Variants in KY observed in about 807,000 individuals in gnomAD.
KY encodes kyphoscoliosis peptidase.
Under a neutral mutation model 76.1 loss-of-function variants are expected in KY, and 43 were observed. The ratio of observed to expected loss-of-function variants is 0.57; its 90% confidence interval spans 0.44 to 0.73. The LOEUF is 0.73. Ranked by LOEUF, KY falls within the 30% of genes least tolerant of loss-of-function variation. The pLI, the probability that KY is intolerant of heterozygous loss-of-function variation, is 0.00. For synonymous variants in KY, 277 were observed against 326.2 expected (o/e 0.85, Z 1.63); for missense variants, 722 against 828.9 (o/e 0.87, Z 1.58).
chr3:134,645,623 GA>G (rs1966345069), intron 2 of KY, among the ~76,000 whole-genome samples: 1 of 152,202 alleles, frequency 6.6e-6, no homozygotes, highest in African/African-American at 2.4e-5. Flanking sequence ...AAAAATAAAT[GA>G]AATTTCGCTT....
chr3:134,622,264 A>C (rs1332955034), intron 6 of KY, among the ~76,000 whole-genome samples: 1 of 152,220 alleles, frequency 6.6e-6, no homozygotes, highest in Non-Finnish European at 1.5e-5. Flanking sequence ...TTGTTTCCCC[A>C]ATGTTCATTG....
At chr3:134,616,740 C>T (rs1961630827) in intron 8 of KY, among the ~76,000 whole-genome samples, 1 of 152,162 alleles carries the variant, frequency 6.6e-6, no homozygotes, top group Non-Finnish European at 1.5e-5. Context: ...TCACTCAAGG[C>T]AAGTGTCAAT....
chr3:134,650,881 T>C lies in KY; in HGVS notation c.80A>G (p.Gln27Arg). The change falls in exon 1 of 11, where the codon CAG becomes CGG. Residue 27 changes from glutamine to arginine, a missense_variant. Around this residue, in one of 2 missense-constraint regions of KY, gnomAD observed 170 missense variants for 148.1 expected, o/e 1.15. Transcript: ENST00000423778. ...IVHSEKRRAA[Q>R]GTLSDQQANP... The stretch of plus-strand genomic sequence containing the variant: ...CGCCTGCTGGTCTGAGAGCGTACCC[T>C]GTGCGGCGCGCCGCTTCTCCGAGTG... 6.2e-7 allele frequency: 1 copy of C among 1,612,822 alleles called. No homozygotes were observed. Among genetic ancestry groups the C allele is most frequent in the African/African-American group, 1.3e-5 (1 of 75,010 alleles).
chr3:134,640,592 G>T (rs1463555526), intron 3 of KY, among the ~76,000 whole-genome samples: 1 of 152,146 alleles, frequency 6.6e-6, no homozygotes, highest in African/African-American at 2.4e-5. Flanking sequence ...GAGCCCAAAG[G>T]TTGTCAAGGC....
At chr3:134,617,149 C>G (rs572782190) in intron 8 of KY, among the ~76,000 whole-genome samples, 140 of 152,256 alleles carry the variant, frequency 9.2e-4, no homozygotes, top group African/African-American at 3.2e-3. Context: ...TCTGGCATTC[C>G]TTCTACAGTA....
intron 2 of KY, 129 bp from the exon 3 acceptor site, chr3:134,643,507 GTGCACACCCTCACA>G (rs1966036054): frequency 1.5e-6 from 1 of 686,510 alleles, no homozygotes; most frequent in Non-Finnish European, 2.6e-6. Context: ...GCCTAAATGT[GTGCACACCCTCACA>G]GTGTGCACAT....
At position 134,603,495 on chromosome 3, in the gene KY, C is replaced by T; in HGVS notation, c.*84G>A. On this transcript the variant is annotated 3_prime_UTR_variant, in exon 11 of 11. Coordinates refer to ENST00000423778, the MANE Select transcript of KY (RefSeq NM_178554.6). ...GGATTTCATGCAGACTCAGTGGTGTCCAGGGCTCCCTGCACTTCCTTCGAG... is the reference window on the plus strand; with the variant it reads ...GGATTTCATGCAGACTCAGTGGTGTTCAGGGCTCCCTGCACTTCCTTCGAG... 2.4e-6 allele frequency: 3 copies of T among 1,258,558 alleles called. No homozygotes were observed. The highest frequency in any genetic ancestry group is 3.3e-6 in the Non-Finnish European group (3 of 905,396). 78.0% of individuals were successfully genotyped at this position (1,258,558 alleles called of 1,614,324 possible).
chr3:134,643,423 T>C lies in KY; in HGVS notation c.200-45A>G, dbSNP rs555373839. 1.1e-5 allele frequency: 17 copies of C among 1,550,154 alleles called. No homozygotes were observed. The East Asian group carries it at 3.6e-4, about 33-fold the overall frequency. On this transcript the variant is annotated intron_variant, in intron 2 of 10. Coordinates refer to ENST00000423778, the MANE Select transcript of KY (RefSeq NM_178554.6). Reference sequence around the variant, plus strand: ...AGGCCTGCAGTGACCACTGGGGAATTTTCCCCAGGCAGAGCAAAGAGCTGT... The same window carrying C: ...AGGCCTGCAGTGACCACTGGGGAATCTTCCCCAGGCAGAGCAAAGAGCTGT...
At position 134,608,173 on chromosome 3, in the gene KY, C is replaced by A. The variant is rs894415908; in HGVS notation, c.1090+476G>T. Reference sequence around the variant, plus strand: ...GCTCTGCTGAGGCCATGTATTCTCTCCAGCAGGAGTTGGGGAAGAGAACAC... The same window carrying A: ...GCTCTGCTGAGGCCATGTATTCTCTACAGCAGGAGTTGGGGAAGAGAACAC... On this transcript the variant is annotated intron_variant, in intron 10 of 10. Transcript: ENST00000423778. 16 of 1,168,442 alleles carry A rather than the reference C, an allele frequency of 1.4e-5. No individual in the cohort carries two copies. In the East Asian group the frequency reaches 8.4e-4, roughly 62 times the overall value. 72.4% of individuals were successfully genotyped at this position (1,168,442 alleles called of 1,614,324 possible).
chr3:134,606,740 T>C (rs373210722), intron 10 of KY, among the ~76,000 whole-genome samples: 47 of 152,212 alleles, frequency 3.1e-4, no homozygotes, highest in African/African-American at 1.1e-3. Context: ...GTTGAATGAC[T>C]GGGAAGACTT....
In KY at chr3:134,602,869, T is replaced by G. The variant is rs1226737142; in HGVS notation, c.*710A>C. Among the ~76,000 whole-genome samples the G allele has an allele frequency of 6.6e-6, 1 of 152,256 alleles. No homozygotes were observed. Among genetic ancestry groups the G allele is most frequent in the African/African-American group, 2.4e-5 (1 of 41,478 alleles). ...GCCACAGCGGGCATGGGCTGCTCTT[T>G]GCTTTGCAGTCTCCTCACAACTTTC... On this transcript the variant is annotated 3_prime_UTR_variant, in exon 11 of 11. Transcript: ENST00000423778.
chr3:134,645,382 C>T (rs1173592105), intron 2 of KY, among the ~76,000 whole-genome samples: 1 of 152,206 alleles, frequency 6.6e-6, no homozygotes, highest in Non-Finnish European at 1.5e-5. Flanking sequence ...TGCTCAGCAG[C>T]ATCTGTGTGC....
At chr3:134,627,894 G>A in intron 4 of KY, 76 bp from the exon 5 acceptor site, 1 of 1,177,776 alleles carries the variant, frequency 8.5e-7, no homozygotes, top group Non-Finnish European at 1.3e-6. Context: ...CTCACCTTCT[G>A]GTGGTCCTTG....
intron 4 of KY, 47 bp from the exon 5 acceptor site, chr3:134,627,865 G>A (rs375698239): frequency 6.7e-7 from 1 of 1,483,122 alleles, no homozygotes; most frequent in African/African-American, 1.4e-5. Context: ...AGAAGAAACA[G>A]AAATGCAAGC....
intron 5 of KY, among the ~76,000 whole-genome samples, chr3:134,626,086 T>G (rs1357764): frequency 0.33 from 50,681 of 152,144 alleles, 8,828 homozygotes; most frequent in African/African-American, 0.39. Context: ...GAGCCTTTCT[T>G]AACCAAGGGT....
At chr3:134,643,504 T>C (rs904938868) in intron 2 of KY, 126 bp from the exon 3 acceptor site, 10 of 699,174 alleles carry the variant, frequency 1.4e-5, no homozygotes, top group Non-Finnish European at 2.0e-5. Context: ...CAGGCCTAAA[T>C]GTGTGCACAC....
At position 134,602,547 on chromosome 3, in the gene KY, GC is replaced by G. The variant is rs1208691185; in HGVS notation, c.*1031del. On this transcript the variant is annotated 3_prime_UTR_variant, in exon 11 of 11. Transcript: ENST00000423778. ...GGTAGAGACACTGGGGGCAGGCAGA[GC>G]CCTGTTAAAGTGTGAGTCTCCTCGG... 6.6e-6 allele frequency among the ~76,000 whole-genome samples: 1 copy of G among 152,220 alleles called. No individual in the cohort carries two copies. Among genetic ancestry groups the G allele is most frequent in the Non-Finnish European group, 1.5e-5 (1 of 68,036 alleles).
intron 8 of KY, among the ~76,000 whole-genome samples, chr3:134,618,002 T>G (rs1308058923): frequency 6.6e-6 from 1 of 151,952 alleles, no homozygotes; most frequent in African/African-American, 2.4e-5. Context: ...TGCTTGGGTC[T>G]GGGGTAGGGG....
chr3:134,623,375 C>T (rs887203302), intron 6 of KY, among the ~76,000 whole-genome samples: 4 of 152,198 alleles, frequency 2.6e-5, no homozygotes, highest in African/African-American at 7.2e-5. Flanking sequence ...CTCCACTTCA[C>T]GGCAGGCCAG....
Sources: gnomAD v4.1 joint callset for allele counts (sites outside exome capture counted in the v4.1 genomes callset) on GRCh38, gnomAD v4.1.1 for gene constraint, gnomAD v4.1.1 regional missense constraint, MANE v1.5 for transcripts, NCBI Gene and HGNC (gene_info 2026-07-23, HGNC 2026-07-21) for gene names.